TOX: variants seen among roughly 807,000 people sequenced by gnomAD.
TOX encodes the protein thymocyte selection-associated high mobility group box protein TOX.
TOX carries 11 observed loss-of-function variants against 53.7 expected under a neutral mutation model. That is an observed-to-expected ratio of 0.20 (90% CI 0.13 to 0.34). TOX has a LOEUF of 0.34. Among genes scored for constraint, TOX ranks in the 10% least tolerant of loss-of-function variants. TOX has a pLI of 1.00. For synonymous variants in TOX, 225 were observed against 245.3 expected (o/e 0.92, Z 0.77); for missense variants, 570 against 664.6 (o/e 0.86, Z 1.56).
intron 5 of TOX, among the ~76,000 whole-genome samples, chr8:58,832,260 TATA>T (rs1355856412): frequency 6.6e-6 from 1 of 150,574 alleles, no homozygotes; most frequent in East Asian, 1.9e-4. Context: ...CACCATTTCA[TATA>T]ATAATTTTCA....
chr8:58,905,231 C>A (rs551978013), intron 3 of TOX, among the ~76,000 whole-genome samples: 20 of 152,210 alleles, frequency 1.3e-4, no homozygotes, highest in Non-Finnish European at 2.2e-4. Flanking sequence ...GTGCCTGGCC[C>A]AACATATCTA....
intron 3 of TOX, among the ~76,000 whole-genome samples, chr8:58,856,156 ATAT>A (rs1176093250): frequency 6.6e-6 from 1 of 152,198 alleles, no homozygotes; most frequent in Non-Finnish European, 1.5e-5. Context: ...TACCATCTTC[ATAT>A]ATCCAAACCC....
At chr8:58,922,849 C>A (rs1812095223) in intron 3 of TOX, among the ~76,000 whole-genome samples, 1 of 152,164 alleles carries the variant, frequency 6.6e-6, no homozygotes, top group Non-Finnish European at 1.5e-5. Context: ...GAGGGGCGAG[C>A]GGCAGGGCAG....
chr8:58,921,996 T>C (rs1382100331), intron 3 of TOX, among the ~76,000 whole-genome samples: 1 of 152,224 alleles, frequency 6.6e-6, no homozygotes, highest in Non-Finnish European at 1.5e-5. Context: ...AAGAATTGTG[T>C]ATTACTATCT....
intron 3 of TOX, among the ~76,000 whole-genome samples, chr8:58,914,080 C>T (rs895820191): frequency 2.0e-5 from 3 of 152,102 alleles, no homozygotes; most frequent in Non-Finnish European, 2.9e-5. Flanking sequence ...AAATGGTTAC[C>T]CAAGGAAAAC....
intron 3 of TOX, among the ~76,000 whole-genome samples, chr8:58,860,241 C>G (rs896722101): frequency 6.6e-6 from 1 of 152,066 alleles, no homozygotes; most frequent in Non-Finnish European, 1.5e-5. Flanking sequence ...TTTTTCAACT[C>G]ATAAAAAGAG....
chr8:59,041,114 A>C (rs1243873095), intron 1 of TOX, among the ~76,000 whole-genome samples: 2 of 129,788 alleles, frequency 1.5e-5, no homozygotes, highest in African/African-American at 5.3e-5. Context: ...GTGTGTGTAC[A>C]TGTGTAAAAC....
intron 1 of TOX, among the ~76,000 whole-genome samples, chr8:59,036,817 G>A (rs1160326115): frequency 6.6e-6 from 1 of 152,128 alleles, no homozygotes; most frequent in East Asian, 1.9e-4. Flanking sequence ...TAAGGTCTGT[G>A]ACAAACAGAT....
intron 4 of TOX, among the ~76,000 whole-genome samples, chr8:58,847,583 AG>A (rs1810738958): frequency 6.6e-6 from 1 of 152,118 alleles, no homozygotes; most frequent in Non-Finnish European, 1.5e-5. Context: ...CAGCATGAGA[AG>A]GGAGCAAGAA....
At chr8:59,028,916 G>A (rs924341013) in intron 1 of TOX, among the ~76,000 whole-genome samples, 1 of 151,948 alleles carries the variant, frequency 6.6e-6, no homozygotes, top group Non-Finnish European at 1.5e-5. Flanking sequence ...ATAGTTTTTG[G>A]CTTGATTAGT....
At chr8:58,905,846 G>A (rs897817226) in intron 3 of TOX, among the ~76,000 whole-genome samples, 1 of 152,140 alleles carries the variant, frequency 6.6e-6, no homozygotes. Flanking sequence ...ATTTCTGAAT[G>A]TTCTTTATGA....
At chr8:59,028,625 A>T (rs1052045194) in intron 1 of TOX, among the ~76,000 whole-genome samples, 2 of 152,118 alleles carry the variant, frequency 1.3e-5, no homozygotes, top group Non-Finnish European at 2.9e-5. Context: ...TCTAAATAAC[A>T]CCTGGGGTGC....
intron 1 of TOX, among the ~76,000 whole-genome samples, chr8:59,045,601 G>T (rs1803667918): frequency 6.6e-6 from 1 of 152,112 alleles, no homozygotes; most frequent in South Asian, 2.1e-4. Context: ...AGCATTTTCG[G>T]CCCCTCAAAC....
rs1001311964 is a variant in TOX, at chr8:58,807,323, C to G, written c.*424G>C. On this transcript the variant is annotated 3_prime_UTR_variant, in exon 9 of 9. Transcript: ENST00000361421. ...CATTTTATACTCTAGGAGAGTGTAA[C>G]ATAGATGCTATTTACAAACTTGCTA... 5.9e-6 allele frequency: 1 copy of G among 169,554 alleles called. No individual in the cohort carries two copies. The allele number at this position is 169,554 out of a possible 1,614,324, so 10.5% of individuals were successfully genotyped here.
At chr8:59,030,862 A>G (rs1437151367) in intron 1 of TOX, among the ~76,000 whole-genome samples, 1 of 152,198 alleles carries the variant, frequency 6.6e-6, no homozygotes, top group Non-Finnish European at 1.5e-5. Context: ...CATTTTTTCT[A>G]TAAAGCTTTT....
intron 5 of TOX, among the ~76,000 whole-genome samples, chr8:58,834,655 C>A (rs930836222): frequency 6.6e-6 from 1 of 152,142 alleles, no homozygotes; most frequent in Non-Finnish European, 1.5e-5. Context: ...TTTGCTCTGC[C>A]GATGACTCTA....
intron 1 of TOX, among the ~76,000 whole-genome samples, chr8:59,058,338 T>C (rs1803918471): frequency 6.6e-6 from 1 of 152,150 alleles, no homozygotes; most frequent in Non-Finnish European, 1.5e-5. Flanking sequence ...TTCAGGACTA[T>C]GTTTCTAAGA....
At chr8:58,972,207 CA>C (rs1813014856) in intron 1 of TOX, among the ~76,000 whole-genome samples, 1 of 152,036 alleles carries the variant, frequency 6.6e-6, no homozygotes, top group South Asian at 2.1e-4. Context: ...TGTATGTGCA[CA>C]AAATATTTTT....
intron 1 of TOX, among the ~76,000 whole-genome samples, chr8:58,972,482 A>C (rs1440966283): frequency 6.6e-6 from 1 of 152,224 alleles, no homozygotes; most frequent in African/African-American, 2.4e-5. Flanking sequence ...TGACATGAAA[A>C]TATAAGGTTA....
Sources: gnomAD v4.1 joint callset for allele counts (sites outside exome capture counted in the v4.1 genomes callset) on GRCh38, gnomAD v4.1.1 for gene constraint, MANE v1.5 for transcripts, NCBI Gene and HGNC (gene_info 2026-07-23, HGNC 2026-07-21) for gene names.